IFT81: variants seen among roughly 807,000 people sequenced by gnomAD.
IFT81 encodes the protein intraflagellar transport protein 81 homolog.
IFT81 carries 72 observed loss-of-function variants against 102.6 expected under a neutral mutation model. That is an observed-to-expected ratio of 0.70 (90% CI 0.58 to 0.85). The LOEUF (loss-of-function observed/expected upper bound fraction) is 0.85, where lower values mean the gene tolerates loss of function less well. Among genes scored for constraint, IFT81 ranks in the 40% least tolerant of loss-of-function variants. The pLI is 0.00. For missense variants in IFT81, 723 were observed against 787.3 expected, an observed-to-expected ratio of 0.92 and a Z score of 0.98; for synonymous variants, 237 against 242.7, an observed-to-expected ratio of 0.98 and a Z score of 0.22.
At chr12:110,127,235 C>T (rs1262560490) in intron 1 of IFT81, 125 bp from the exon 2 acceptor site, 2 of 934,090 alleles carry the variant, frequency 2.1e-6, no homozygotes, top group African/African-American at 3.4e-5. Flanking sequence ...ACCCTTTTCA[C>T]AGCATTTTGT....
At chr12:110,192,286 A>G (rs1897832572) in intron 13 of IFT81, among the ~76,000 whole-genome samples, 1 of 152,014 alleles carries the variant, frequency 6.6e-6, no homozygotes, top group Admixed American at 6.6e-5. Flanking sequence ...ATCTATATTT[A>G]TGTATATTTT....
chr12:110,127,722 A>G (rs1310202682), intron 2 of IFT81, among the ~76,000 whole-genome samples, 198 bp downstream of exon 2: 2 of 152,244 alleles, frequency 1.3e-5, no homozygotes, highest in Non-Finnish European at 2.9e-5. Context: ...AAAATTATTT[A>G]TCCACTTCCA....
At chr12:110,198,369 T>C (rs981518424) in intron 14 of IFT81, among the ~76,000 whole-genome samples, 2 of 152,132 alleles carry the variant, frequency 1.3e-5, no homozygotes, top group African/African-American at 4.8e-5. Context: ...TTATCATTTA[T>C]TTTTAGGTAA....
At chr12:110,182,941 T>C (rs984518937) in intron 12 of IFT81, among the ~76,000 whole-genome samples, 2 of 152,160 alleles carry the variant, frequency 1.3e-5, no homozygotes, top group Non-Finnish European at 2.9e-5. Context: ...TAGCACCATA[T>C]CATGGGCATC....
intron 13 of IFT81, among the ~76,000 whole-genome samples, chr12:110,191,709 G>C (rs188049755): frequency 8.5e-4 from 130 of 152,054 alleles, no homozygotes; most frequent in Admixed American, 1.6e-3. Context: ...GATTGCACTA[G>C]TACACTTTCA....
At chr12:110,169,452 T>G (rs546701735) in intron 11 of IFT81, among the ~76,000 whole-genome samples, 47 of 152,200 alleles carry the variant, frequency 3.1e-4, no homozygotes, top group African/African-American at 1.1e-3. Context: ...CTGACACAGA[T>G]GGATTAGTGT....
chr12:110,154,201 T>C (rs926039134), intron 10 of IFT81, among the ~76,000 whole-genome samples: 4 of 149,276 alleles, frequency 2.7e-5, no homozygotes, highest in Non-Finnish European at 5.9e-5. Flanking sequence ...GCCAGTCTGG[T>C]CTTGAACTCC....
intron 10 of IFT81, among the ~76,000 whole-genome samples, chr12:110,149,554 G>A (rs928331116): frequency 1.3e-5 from 2 of 152,146 alleles, no homozygotes; most frequent in African/African-American, 4.8e-5. Context: ...CCGGAAGAAC[G>A]GATCACATGT....
intron 17 of IFT81, among the ~76,000 whole-genome samples, chr12:110,208,395 A>T (rs530402297): frequency 6.6e-6 from 1 of 152,136 alleles, no homozygotes; most frequent in African/African-American, 2.4e-5. Context: ...TAATCCCAGT[A>T]TCTGGGAGGC....
intron 10 of IFT81, among the ~76,000 whole-genome samples, chr12:110,148,647 G>C (rs1187731439): frequency 6.6e-6 from 1 of 151,802 alleles, no homozygotes; most frequent in Non-Finnish European, 1.5e-5. Context: ...GCTAATTTTT[G>C]TATATTTAGT....
chr12:110,132,472 A>AAAAAG (rs1894225625), intron 4 of IFT81, 75 bp from the exon 5 acceptor site: 2 of 666,602 alleles, frequency 3.0e-6, no homozygotes, highest in East Asian at 3.3e-5. Flanking sequence ...AAAAAAAAAA[A>AAAAAG]AAAGAAAGAA....
intron 18 of IFT81, among the ~76,000 whole-genome samples, chr12:110,213,536 A>G (rs1593381652): frequency 6.6e-6 from 1 of 152,158 alleles, no homozygotes; most frequent in South Asian, 2.1e-4. Context: ...CATTTCCTAG[A>G]TCCTTAATTC....
At chr12:110,152,316 G>A (rs924127561) in intron 10 of IFT81, among the ~76,000 whole-genome samples, 12 of 152,054 alleles carry the variant, frequency 7.9e-5, no homozygotes, top group African/African-American at 2.7e-4. Context: ...ACCACCACTT[G>A]TTATCTTGTG....
At chr12:110,162,825 T>C (rs1000256014) in intron 10 of IFT81, 94 bp from the exon 11 acceptor site, 1 of 1,104,826 alleles carries the variant, frequency 9.1e-7, no homozygotes, top group Admixed American at 2.7e-5. Context: ...ATTGAAAATA[T>C]AACTTGGTAA....
intron 18 of IFT81, chr12:110,216,400 AC>A: frequency 2.4e-6 from 1 of 415,250 alleles, no homozygotes; most frequent in Non-Finnish European, 4.7e-6. Context: ...GTATCATGTT[AC>A]CCAGGCAGGC....
intron 12 of IFT81, among the ~76,000 whole-genome samples, chr12:110,185,297 C>T (rs149066336): frequency 3.3e-4 from 50 of 152,178 alleles, no homozygotes; most frequent in East Asian, 1.2e-3. Context: ...GTGATTCTCC[C>T]GCCTCAGCCT....
At chr12:110,128,005 C>A (rs1893945321) in intron 2 of IFT81, 41 bp from the exon 3 acceptor site, 4 of 1,323,154 alleles carry the variant, frequency 3.0e-6, no homozygotes, top group South Asian at 1.2e-5. Context: ...TCCTTTGTTA[C>A]ATATACAACA....
At chr12:110,163,122 T>A in intron 11 of IFT81, 57 bp downstream of exon 11, 1 of 1,413,688 alleles carries the variant, frequency 7.1e-7, no homozygotes, top group South Asian at 1.3e-5. Context: ...TGTGAAACTA[T>A]TAGTGTGTTT....
At chr12:110,154,897 G>C (rs1895753688) in intron 10 of IFT81, among the ~76,000 whole-genome samples, 1 of 151,904 alleles carries the variant, frequency 6.6e-6, no homozygotes, top group African/African-American at 2.4e-5. Context: ...AAATCTAGTT[G>C]ATTTATTTTG....
Sources: allele counts gnomAD v4.1 joint callset (sites outside exome capture counted in the v4.1 genomes callset), GRCh38; gene constraint gnomAD v4.1.1; transcripts MANE v1.5; gene names NCBI Gene and HGNC (gene_info 2026-07-23, HGNC 2026-07-21).